The following AIM2 variants were observed in gnomAD, a reference collection of about 807,000 sequenced individuals.
AIM2 encodes absent in melanoma 2, also known as interferon-inducible protein AIM2.
AIM2 carries 30 observed loss-of-function variants against 27.7 expected under a neutral mutation model. The ratio of observed to expected loss-of-function variants is 1.08; its 90% confidence interval spans 0.81 to 1.47. The LOEUF (loss-of-function observed/expected upper bound fraction) is 1.47, where lower values mean the gene tolerates loss of function less well. Ranked by LOEUF, AIM2 falls within the 40% of genes most tolerant of loss-of-function variation. The probability of loss-of-function intolerance (pLI) is 0.00; values close to 1 mark genes in which losing one functional copy is unlikely to be tolerated. For missense variants in AIM2, 358 were observed against 411.3 expected, an observed-to-expected ratio of 0.87 and a Z score of 1.12; for synonymous variants, 141 against 145.3, an observed-to-expected ratio of 0.97 and a Z score of 0.21.
chr1:159,082,533 G>C (rs1349944884), intron 1 of AIM2, among the ~76,000 whole-genome samples: 11 of 151,946 alleles, frequency 7.2e-5, no homozygotes, highest in Non-Finnish European at 1.5e-5. Context: ...GTCTTGCCAT[G>C]TTGCCAAAGC....
intron 1 of AIM2, among the ~76,000 whole-genome samples, chr1:159,126,571 C>G (rs1352160503): frequency 6.7e-6 from 1 of 149,502 alleles, no homozygotes; most frequent in African/African-American, 2.5e-5. Flanking sequence ...ATGGCGTGAA[C>G]CTGGGAGGCG....
At chr1:159,142,767 C>T (rs577105428), upstream of AIM2, among the ~76,000 whole-genome samples, 9 of 152,286 alleles carry the variant, frequency 5.9e-5, no homozygotes, top group Middle Eastern at 0.01. Context: ...TTATAATTTC[C>T]ACTGAGCCCA....
chr1:159,101,476 G>A (rs1657311112), intron 1 of AIM2, among the ~76,000 whole-genome samples: 1 of 152,194 alleles, frequency 6.6e-6, no homozygotes. Flanking sequence ...GAGACAGTGG[G>A]GCACTGCTGT....
chr1:159,105,450 T>C (rs1039757909), intron 1 of AIM2, among the ~76,000 whole-genome samples: 6 of 152,204 alleles, frequency 3.9e-5, no homozygotes, highest in Non-Finnish European at 5.9e-5. Context: ...TACAGCTCTT[T>C]CAGTCTCACC....
intron 1 of AIM2, among the ~76,000 whole-genome samples, chr1:159,133,385 T>C (rs1313521791): frequency 6.6e-6 from 1 of 152,212 alleles, no homozygotes; most frequent in Non-Finnish European, 1.5e-5. Flanking sequence ...GTTGGAGAGT[T>C]ACCATAACGA....
upstream of AIM2, among the ~76,000 whole-genome samples, chr1:159,141,923 T>A (rs537659909): frequency 6.6e-6 from 1 of 152,308 alleles, no homozygotes; most frequent in East Asian, 1.9e-4. Context: ...GAATCCCTGA[T>A]GGAACAGGAC....
chr1:159,062,000 A>C (rs1655854005), downstream of AIM2, among the ~76,000 whole-genome samples: 1 of 152,120 alleles, frequency 6.6e-6, no homozygotes, highest in Non-Finnish European at 1.5e-5. Flanking sequence ...TTTTTGTATA[A>C]AGAGTGAGGA....
upstream of AIM2, among the ~76,000 whole-genome samples, chr1:159,145,024 T>C (rs948681787): frequency 8.5e-5 from 13 of 152,166 alleles, no homozygotes; most frequent in Non-Finnish European, 1.8e-4. Context: ...TGAGCACAAC[T>C]TCTAGAAGTG....
chr1:159,134,418 T>C (rs562429958), intron 1 of AIM2, among the ~76,000 whole-genome samples: 1 of 152,382 alleles, frequency 6.6e-6, no homozygotes, highest in African/African-American at 2.4e-5. Flanking sequence ...TCCATTGTTT[T>C]TAGGATAAGG....
At chr1:159,073,097 G>A in intron 2 of AIM2, 141 bp downstream of exon 2, 2 of 1,009,068 alleles carry the variant, frequency 2.0e-6, no homozygotes, top group Admixed American at 2.6e-5. Flanking sequence ...TCAGTAAAAG[G>A]GGGCAAAGAG....
rs532799968 is a variant in AIM2, at chr1:159,074,094, T to G, written c.-20-575A>C. On this transcript the variant is annotated intron_variant, in intron 1 of 5. Transcript: ENST00000368130. ...GAAACAGGATACATTTTCCTGTTAT[T>G]TTTAAAATAGATTTATCGAGGCATA... Among the ~76,000 whole-genome samples, 3 of 152,252 alleles carry G rather than the reference T, an allele frequency of 2.0e-5. No homozygotes were observed. The South Asian group carries it at 6.2e-4, about 32-fold the overall frequency.
chr1:159,132,862 C>T (rs1647927807), intron 1 of AIM2, among the ~76,000 whole-genome samples: 2 of 152,332 alleles, frequency 1.3e-5, no homozygotes, highest in South Asian at 2.1e-4. Context: ...TCCTCTCACT[C>T]TCCACAGTAA....
rs983003104 is a variant in AIM2, at chr1:159,135,171, T to C, written c.-16+5260A>G. On this transcript the variant is annotated intron_variant, in intron 1 of 2. Transcript: ENST00000368129. ...AGCACACAGCAGGTACTATAAGCAT[T>C]TGTTGAGTGAGTAAATGAATTAATG... Among the ~76,000 whole-genome samples the C allele has an allele frequency of 2.8e-4, 42 of 152,218 alleles. 1 individual carries two copies. The highest frequency in any genetic ancestry group is 1.9e-3 in the Admixed American group (29 of 15,284).
intron 2 of AIM2, 141 bp downstream of exon 2, chr1:159,073,097 G>T (rs1049046113): frequency 2.6e-5 from 26 of 1,008,950 alleles, no homozygotes; most frequent in Non-Finnish European, 3.6e-5. Flanking sequence ...TCAGTAAAAG[G>T]GGGCAAAGAG....
chr1:159,140,987 T>C (rs1192438836), upstream of AIM2, among the ~76,000 whole-genome samples: 1 of 152,154 alleles, frequency 6.6e-6, no homozygotes, highest in Non-Finnish European at 1.5e-5. Context: ...CTGCTGGTAA[T>C]TAGTGTGTTG....
At chr1:159,068,207 T>C (rs181403427) in intron 3 of AIM2, among the ~76,000 whole-genome samples, 4 of 152,238 alleles carry the variant, frequency 2.6e-5, no homozygotes, top group East Asian at 3.9e-4. Flanking sequence ...TGCAACTACA[T>C]TGGACTTGAC....
downstream of AIM2, among the ~76,000 whole-genome samples, chr1:159,060,480 T>C (rs1019691386): frequency 2.6e-5 from 4 of 152,236 alleles, no homozygotes; most frequent in African/African-American, 9.6e-5. Context: ...ATGCATGTAG[T>C]CATGAAACTA....
chr1:159,098,634 C>T (rs969898658), intron 1 of AIM2, among the ~76,000 whole-genome samples: 2 of 152,034 alleles, frequency 1.3e-5, no homozygotes, highest in African/African-American at 4.8e-5. Flanking sequence ...GACAGAAAAA[C>T]ACGGGATGCT....
chr1:159,137,071 C>T (rs1278993936), intron 1 of AIM2, among the ~76,000 whole-genome samples: 1 of 152,154 alleles, frequency 6.6e-6, no homozygotes, highest in Admixed American at 6.5e-5. Flanking sequence ...TAAAATTTGC[C>T]TTTTAACATA....
Sources: gnomAD v4.1 joint callset for allele counts (sites outside exome capture counted in the v4.1 genomes callset) on GRCh38, gnomAD v4.1.1 for gene constraint, MANE v1.5 for transcripts, NCBI Gene and HGNC (gene_info 2026-07-23, HGNC 2026-07-21) for gene names.